The following GAB2 variants were observed in gnomAD, a reference collection of about 807,000 sequenced individuals.
GAB2 encodes GRB2 associated binding protein 2.
GAB2 carries 26 observed loss-of-function variants against 65.5 expected under a neutral mutation model. That is an observed-to-expected ratio of 0.40 (90% CI 0.29 to 0.55). The LOEUF is 0.55. GAB2 is among the 20% of genes least tolerant of loss of function. The probability of loss-of-function intolerance (pLI) is 0.53; values close to 1 mark genes in which losing one functional copy is unlikely to be tolerated. For synonymous variants in GAB2, 321 were observed against 329.6 expected, an observed-to-expected ratio of 0.97 and a Z score of 0.28; for missense variants, 884 against 875.8, an observed-to-expected ratio of 1.01 and a Z score of -0.12.
At chr11:78,309,129 G>C (rs577141890) in intron 1 of GAB2, among the ~76,000 whole-genome samples, 2 of 152,292 alleles carry the variant, frequency 1.3e-5, no homozygotes, top group South Asian at 4.1e-4. Context: ...CTGCGGGAGA[G>C]AGAAGAGTCA....
chr11:78,222,054 T>G, intron 7 of GAB2, 51 bp downstream of exon 7: 1 of 1,210,306 alleles, frequency 8.3e-7, no homozygotes, highest in Non-Finnish European at 1.2e-6. Context: ...CATCACTCAT[T>G]TTCCCTAATG....
intron 1 of GAB2, among the ~76,000 whole-genome samples, chr11:78,287,006 A>T (rs974183938): frequency 6.6e-6 from 1 of 152,238 alleles, no homozygotes; most frequent in Non-Finnish European, 1.5e-5. Context: ...TTACACATAA[A>T]ATACAAATAG....
At chr11:78,407,305 A>G (rs1239091538) in intron 1 of GAB2, among the ~76,000 whole-genome samples, 2 of 152,070 alleles carry the variant, frequency 1.3e-5, no homozygotes, top group African/African-American at 2.4e-5. Flanking sequence ...TTCTGAAAAT[A>G]AAGAGAAAAA....
chr11:78,246,312 A>G (rs1260725344), intron 3 of GAB2, among the ~76,000 whole-genome samples: 1 of 152,054 alleles, frequency 6.6e-6, no homozygotes, highest in Non-Finnish European at 1.5e-5. Context: ...GAGCTTTGAA[A>G]TCTGTGTCTG....
chr11:78,243,383 A>T (rs575443295), intron 3 of GAB2, among the ~76,000 whole-genome samples: 90 of 152,186 alleles, frequency 5.9e-4, no homozygotes, highest in African/African-American at 2.1e-3. Flanking sequence ...CATGAGAATC[A>T]CTTGAACCCA....
intron 1 of GAB2, among the ~76,000 whole-genome samples, chr11:78,355,005 G>A (rs2134709690): frequency 6.6e-6 from 1 of 152,326 alleles, no homozygotes; most frequent in East Asian, 1.9e-4. Context: ...AACTCTCTAG[G>A]TTCTGGCTTA....
chr11:78,358,958 T>C (rs995541671), intron 1 of GAB2, among the ~76,000 whole-genome samples: 7 of 151,970 alleles, frequency 4.6e-5, no homozygotes, highest in Non-Finnish European at 7.4e-5. Flanking sequence ...AAAATTACAA[T>C]TGAAATGAAA....
intron 1 of GAB2, among the ~76,000 whole-genome samples, chr11:78,283,042 CTT>C (rs1399080729): frequency 6.6e-6 from 1 of 152,204 alleles, no homozygotes; most frequent in Non-Finnish European, 1.5e-5. Context: ...ACTGGTCTCA[CTT>C]TTACTTCAAG....
At chr11:78,263,257 T>C (rs2134549193) in intron 2 of GAB2, among the ~76,000 whole-genome samples, 1 of 152,350 alleles carries the variant, frequency 6.6e-6, no homozygotes, top group East Asian at 1.9e-4. Context: ...AGTATTATTA[T>C]AAGAAACCAT....
chr11:78,325,478 C>T (rs149270337), intron 1 of GAB2, among the ~76,000 whole-genome samples: 3 of 152,258 alleles, frequency 2.0e-5, no homozygotes, highest in Non-Finnish European at 4.4e-5. Flanking sequence ...ACAGAAACCA[C>T]GTTGCTGAGG....
rs115902998 is a variant in GAB2, at chr11:78,394,568, T to C, written c.75+23078A>G. ...GGGTAATAACTTTTAAAAAGTGTAATGTCTTGTGAATATCTGATCAGGCAG... is the reference window on the plus strand; with the variant it reads ...GGGTAATAACTTTTAAAAAGTGTAACGTCTTGTGAATATCTGATCAGGCAG... On this transcript the variant is annotated intron_variant, in intron 1 of 9. Coordinates refer to ENST00000361507, the MANE Select transcript of GAB2 (RefSeq NM_080491.3). Among the ~76,000 whole-genome samples the C allele has an allele frequency of 8.3e-3, 1,265 of 152,312 alleles. 18 individuals are homozygous for C. The highest frequency in any genetic ancestry group is 0.029 in the African/African-American group (1,197 of 41,566).
In GAB2 at chr11:78,307,986, A is replaced by G. The variant is rs189852995; in HGVS notation, c.76-27085T>C. 3.1e-4 allele frequency among the ~76,000 whole-genome samples: 47 copies of G among 152,246 alleles called. 1 individual carries two copies. The highest frequency in any genetic ancestry group is 3.1e-3 in the Admixed American group (47 of 15,302). ...ACCATCCAATTTGTTGAGAGCCTGG[A>G]AGAACAAAAAGGCAGAGGGAAAACA... On this transcript the variant is annotated intron_variant, in intron 1 of 9. Coordinates refer to ENST00000361507, the MANE Select transcript of GAB2 (RefSeq NM_080491.3).
At chr11:78,416,418 C>G (rs541129153) in intron 1 of GAB2, among the ~76,000 whole-genome samples, 1 of 152,346 alleles carries the variant, frequency 6.6e-6, no homozygotes, top group East Asian at 1.9e-4. Context: ...TGATTCTGAT[C>G]TGGGGAGCCA....
At chr11:78,273,112 T>C (rs1036299241) in intron 2 of GAB2, among the ~76,000 whole-genome samples, 1 of 152,198 alleles carries the variant, frequency 6.6e-6, no homozygotes, top group Admixed American at 6.5e-5. Context: ...ATGGAAAACC[T>C]CTGCTAGGGC....
intron 1 of GAB2, among the ~76,000 whole-genome samples, chr11:78,407,638 A>AAAGAAAGAAAGAAAGTAAGT (rs1857063008): frequency 8.3e-6 from 1 of 119,996 alleles, no homozygotes; most frequent in Non-Finnish European, 1.7e-5. Flanking sequence ...CTTCTCAAAG[A>AAAGAAAGAAAGAAAGTAAGT]AAGAAAGAAA....
intron 1 of GAB2, among the ~76,000 whole-genome samples, chr11:78,375,733 C>A (rs887499488): frequency 1.3e-5 from 2 of 152,134 alleles, no homozygotes; most frequent in Non-Finnish European, 2.9e-5. Flanking sequence ...AGTGATATAG[C>A]CTTCCATTTT....
intron 1 of GAB2, among the ~76,000 whole-genome samples, chr11:78,401,453 G>C (rs1370704665): frequency 6.6e-6 from 1 of 150,538 alleles, no homozygotes; most frequent in African/African-American, 2.5e-5. Flanking sequence ...CATCTATGTT[G>C]TATCATGTCC....
intron 1 of GAB2, among the ~76,000 whole-genome samples, chr11:78,286,500 G>C (rs993843960): frequency 3.9e-5 from 6 of 152,022 alleles, no homozygotes; most frequent in African/African-American, 1.4e-4. Flanking sequence ...TAAGTTCTGA[G>C]CATCCTGAGA....
intron 1 of GAB2, among the ~76,000 whole-genome samples, chr11:78,330,355 G>T (rs1446753042): frequency 6.6e-6 from 1 of 152,200 alleles, no homozygotes; most frequent in African/African-American, 2.4e-5. Flanking sequence ...GTGACAAACA[G>T]CAGGTCTCTG....
Sources: allele counts gnomAD v4.1 joint callset (sites outside exome capture counted in the v4.1 genomes callset), GRCh38; gene constraint gnomAD v4.1.1; transcripts MANE v1.5; gene names NCBI Gene and HGNC (gene_info 2026-07-23, HGNC 2026-07-21).